Variants in FGF7 observed in about 807,000 individuals in gnomAD.
FGF7 encodes FGF-7.
FGF7 carries 6 observed loss-of-function variants against 20.5 expected under a neutral mutation model. The observed-to-expected ratio is 0.29, with a 90% CI of 0.16 to 0.58. The LOEUF (loss-of-function observed/expected upper bound fraction) is 0.58. FGF7 is among the 20% of genes least tolerant of loss of function. The pLI is 0.90. For missense variants in FGF7, 144 were observed against 228.8 expected (o/e 0.63, Z 2.39); for synonymous variants, 64 against 74.7 (o/e 0.86, Z 0.74).
At chr15:49,451,689 C>T (rs1028088197) in intron 2 of FGF7, among the ~76,000 whole-genome samples, 2 of 151,964 alleles carry the variant, frequency 1.3e-5, no homozygotes, top group African/African-American at 2.4e-5. Flanking sequence ...TTTTTATGTA[C>T]GTCTCAAATC....
chr15:49,479,864 T>C (rs1308428116), intron 2 of FGF7, among the ~76,000 whole-genome samples: 1 of 152,176 alleles, frequency 6.6e-6, no homozygotes, highest in Non-Finnish European at 1.5e-5. Flanking sequence ...TCCACCCGCG[T>C]TGGCCTCCCA....
chr15:49,452,634 TAC>T (rs912806547), intron 2 of FGF7, among the ~76,000 whole-genome samples: 14 of 152,182 alleles, frequency 9.2e-5, no homozygotes, highest in African/African-American at 3.4e-4. Context: ...ATAATGAAGA[TAC>T]CTTAGTTTGG....
chr15:49,471,935 A>T (rs9972429), intron 2 of FGF7, among the ~76,000 whole-genome samples: 1 of 151,706 alleles, frequency 6.6e-6, no homozygotes, highest in Non-Finnish European at 1.5e-5. Context: ...GTGACAGTGA[A>T]GTTCTGGATA....
At chr15:49,453,608 C>T (rs754484455) in intron 2 of FGF7, among the ~76,000 whole-genome samples, 10 of 152,162 alleles carry the variant, frequency 6.6e-5, no homozygotes, top group Non-Finnish European at 1.2e-4. Flanking sequence ...TGTTACTCTG[C>T]TCATGACAAC....
rs1348488620 is a variant in FGF7, at chr15:49,485,441, T to C, written c.*937T>C. ...TCTATTTTAAGTTGTTTTTGAACTT[T>C]ATTGTTTTGTTATTTAAGTTTATGT... On this transcript the variant is annotated 3_prime_UTR_variant, in exon 4 of 4. Coordinates refer to ENST00000267843, the MANE Select transcript of FGF7 (RefSeq NM_002009.4). 2.0e-5 allele frequency: 3 copies of C among 152,100 alleles called. No individual in the cohort carries two copies. The highest frequency in any genetic ancestry group is 4.4e-5 in the Non-Finnish European group (3 of 67,850). 9.4% of individuals were successfully genotyped at this position (152,100 alleles called of 1,614,324 possible).
intron 2 of FGF7, among the ~76,000 whole-genome samples, chr15:49,449,667 T>TC (rs897576939): frequency 6.6e-6 from 1 of 152,074 alleles, no homozygotes; most frequent in Admixed American, 6.6e-5. Flanking sequence ...CTTAAGCTTG[T>TC]CCAGGTCCCT....
At chr15:49,451,167 A>G (rs1312931112) in intron 2 of FGF7, among the ~76,000 whole-genome samples, 1 of 152,156 alleles carries the variant, frequency 6.6e-6, no homozygotes, top group Non-Finnish European at 1.5e-5. Context: ...TTAACTAAGA[A>G]TATGGATACT....
chr15:49,455,854 CT>C (rs1212700334), intron 2 of FGF7, among the ~76,000 whole-genome samples: 1 of 151,602 alleles, frequency 6.6e-6, no homozygotes, highest in African/African-American at 2.4e-5. Context: ...TGGCTTTTTT[CT>C]TTTTTTTCTT....
At chr15:49,446,057 A>T (rs548509897) in intron 2 of FGF7, among the ~76,000 whole-genome samples, 2 of 151,704 alleles carry the variant, frequency 1.3e-5, no homozygotes. Context: ...ACTATGGTGT[A>T]TTTCTAAATA....
chr15:49,456,332 G>A (rs1270009459), intron 2 of FGF7, among the ~76,000 whole-genome samples: 2 of 152,066 alleles, frequency 1.3e-5, no homozygotes, highest in Admixed American at 6.5e-5. Flanking sequence ...GAAGTTGAAA[G>A]AAATAATGGA....
At chr15:49,451,076 T>A (rs1425240575) in intron 2 of FGF7, among the ~76,000 whole-genome samples, 1 of 152,102 alleles carries the variant, frequency 6.6e-6, no homozygotes, top group African/African-American at 2.4e-5. Flanking sequence ...AAATTTTAAG[T>A]CAGATATAAT....
chr15:49,432,008 T>C (rs2050665327), intron 2 of FGF7, among the ~76,000 whole-genome samples: 1 of 151,756 alleles, frequency 6.6e-6, no homozygotes, highest in Non-Finnish European at 1.5e-5. Flanking sequence ...AATCTCTTGG[T>C]TGATTTTGTG....
At chr15:49,440,650 C>T (rs2051549981) in intron 2 of FGF7, among the ~76,000 whole-genome samples, 1 of 151,690 alleles carries the variant, frequency 6.6e-6, no homozygotes, top group Admixed American at 6.6e-5. Context: ...TTGTCAGGCA[C>T]AGTGCTTGGT....
chr15:49,446,336 T>C (rs1412743974), intron 2 of FGF7, among the ~76,000 whole-genome samples: 3 of 151,610 alleles, frequency 2.0e-5, no homozygotes, highest in Admixed American at 6.6e-5. Flanking sequence ...ACCTTCGATG[T>C]ACAGGTGACA....
At chr15:49,431,601 G>A (rs1313394656) in intron 2 of FGF7, among the ~76,000 whole-genome samples, 1 of 151,628 alleles carries the variant, frequency 6.6e-6, no homozygotes, top group Non-Finnish European at 1.5e-5. Context: ...CTTCCCTCCA[G>A]AAGAAAGTAA....
At chr15:49,472,702 G>C (rs2054887661) in intron 2 of FGF7, among the ~76,000 whole-genome samples, 1 of 152,024 alleles carries the variant, frequency 6.6e-6, no homozygotes, top group South Asian at 2.1e-4. Context: ...AGACTTAAGG[G>C]GCAAAGATAT....
At chr15:49,445,906 C>T (rs1449955591) in intron 2 of FGF7, among the ~76,000 whole-genome samples, 4 of 151,500 alleles carry the variant, frequency 2.6e-5, no homozygotes, top group Non-Finnish European at 5.9e-5. Context: ...ACAAACATAT[C>T]TATACTATCA....
intron 2 of FGF7, among the ~76,000 whole-genome samples, chr15:49,450,675 T>C (rs533340660): frequency 1.3e-5 from 2 of 152,272 alleles, no homozygotes; most frequent in East Asian, 3.9e-4. Flanking sequence ...AAAAACTTCC[T>C]TATGCCTCTT....
chr15:49,459,218 GC>G (rs1363248446), intron 2 of FGF7, among the ~76,000 whole-genome samples: 2 of 152,138 alleles, frequency 1.3e-5, no homozygotes, highest in Admixed American at 1.3e-4. Context: ...AGCTGTCCTG[GC>G]CAGAGGAGGA....
Sources: allele counts gnomAD v4.1 joint callset (sites outside exome capture counted in the v4.1 genomes callset), GRCh38; gene constraint gnomAD v4.1.1; transcripts MANE v1.5; gene names NCBI Gene and HGNC (gene_info 2026-07-23, HGNC 2026-07-21).